The following C17orf75 variants were observed in gnomAD, a reference collection of about 807,000 sequenced individuals.
C17orf75 encodes the protein protein Njmu-R1.
Under a neutral mutation model 49.6 loss-of-function variants are expected in C17orf75, and 32 were observed. The observed-to-expected ratio is 0.65, with a 90% CI of 0.49 to 0.87. The LOEUF (loss-of-function observed/expected upper bound fraction) is 0.87. Ranked by LOEUF, C17orf75 falls within the 40% of genes least tolerant of loss-of-function variation. The pLI is 0.00. For synonymous variants in C17orf75, 158 were observed against 159.5 expected, an observed-to-expected ratio of 0.99 and a Z score of 0.07; for missense variants, 428 against 473.9, an observed-to-expected ratio of 0.90 and a Z score of 0.90.
intron 2 of C17orf75, 80 bp from the exon 3 acceptor site, chr17:32,340,018 C>A (rs140072767): frequency 7.8e-6 from 12 of 1,529,372 alleles, no homozygotes; most frequent in Non-Finnish European, 1.1e-5. Context: ...ATGGTACCAA[C>A]GCCAGGGGCT....
intron 1 of C17orf75, 195 bp downstream of exon 1, chr17:32,341,805 C>G (rs1261810601): frequency 9.4e-7 from 1 of 1,060,768 alleles, no homozygotes; most frequent in African/African-American, 1.7e-5. Flanking sequence ...GCATACAAGT[C>G]CACGACGGGG....
intron 1 of C17orf75, among the ~76,000 whole-genome samples, chr17:32,347,976 C>T (rs1275337894): frequency 1.3e-5 from 2 of 151,982 alleles, no homozygotes; most frequent in Non-Finnish European, 2.9e-5. Context: ...TCCCAAAGCA[C>T]GGCAATTACA....
intron 3 of C17orf75, among the ~76,000 whole-genome samples, chr17:32,339,090 T>TA (rs912041769): frequency 1.0e-4 from 15 of 150,662 alleles, no homozygotes; most frequent in African/African-American, 3.2e-4. Context: ...GACTCTGTCT[T>TA]AAAAAAAACA....
upstream of C17orf75, chr17:32,342,373 A>C: frequency 1.8e-6 from 1 of 545,754 alleles, no homozygotes; most frequent in Non-Finnish European, 2.7e-6. Flanking sequence ...TTTTGAACTT[A>C]TTTTCCTTTG....
At chr17:32,347,207 C>A (rs1347040383), upstream of C17orf75, among the ~76,000 whole-genome samples, 2 of 151,836 alleles carry the variant, frequency 1.3e-5, no homozygotes, top group South Asian at 4.2e-4. Context: ...GTGATCAACC[C>A]ACATCGGCCT....
At chr17:32,334,918 A>G (rs928765140) in intron 6 of C17orf75, 79 bp from the exon 7 acceptor site, 40 of 1,174,298 alleles carry the variant, frequency 3.4e-5, no homozygotes, top group Middle Eastern at 5.7e-4. Flanking sequence ...AAATGTCCCC[A>G]TAAGTCCCTA....
rs940425392 is a variant in C17orf75 at position 32,329,683 on chromosome 17, G to A, written c.*2080C>T. 6.6e-6 allele frequency: 1 copy of A among 152,104 alleles called. No individual in the cohort carries two copies. Among genetic ancestry groups the A allele is most frequent in the Non-Finnish European group, 1.5e-5 (1 of 68,028 alleles). The allele number at this position is 152,104 out of a possible 1,614,324, so 9.4% of individuals were successfully genotyped here. A position where few individuals can be genotyped will look rare whatever the true frequency, so the allele number is the denominator to read the frequency against. ...CCATTTACAACATAGACTCTTGAATGACATGAATTTGAAAATGAAGTATTT... is the reference window on the plus strand; with the variant it reads ...CCATTTACAACATAGACTCTTGAATAACATGAATTTGAAAATGAAGTATTT... On this transcript the variant is annotated 3_prime_UTR_variant, in exon 10 of 10. Coordinates refer to ENST00000577809, the MANE Select transcript of C17orf75 (RefSeq NM_022344.4).
rs561014138 is a variant in C17orf75, at chr17:32,348,867, C to CTTTTTTTTT, written c.-7+1066_-7+1074dup. ...CAGCACCTTCACTGACAGCTCCAGT[C>CTTTTTTTTT]TTTTTTTTTTTTTTTTGAGACGGAG... On this transcript the variant is annotated intron_variant, in intron 1 of 8. Transcript: ENST00000583774. Among the ~76,000 whole-genome samples, 481 of 108,836 alleles carry CTTTTTTTTT rather than the reference C, an allele frequency of 4.4e-3. 65 individuals carry two copies. The highest frequency in any genetic ancestry group is 0.012 in the African/African-American group (326 of 26,522). 71.4% of individuals were successfully genotyped at this position (108,836 alleles called of 152,430 possible). A position where few individuals can be genotyped will look rare whatever the true frequency, so the allele number is the denominator to read the frequency against.
intron 1 of C17orf75, 123 bp from the exon 2 acceptor site, chr17:32,341,407 G>T: frequency 2.2e-6 from 2 of 911,600 alleles, no homozygotes; most frequent in Non-Finnish European, 3.6e-6. Flanking sequence ...GAAGTGCACT[G>T]CCTATCCTCA....
intron 5 of C17orf75, among the ~76,000 whole-genome samples, chr17:32,336,160 G>A (rs1447604821): frequency 6.6e-5 from 10 of 152,144 alleles, no homozygotes; most frequent in Non-Finnish European, 2.9e-5. Flanking sequence ...TATATGTAAT[G>A]GGTAGTAAAT....
Position 32,333,446 on chromosome 17 carries a change from G to C in C17orf75, c.946C>G (p.Arg316Gly). 10 of 1,612,780 alleles carry C rather than the reference G, an allele frequency of 6.2e-6. No homozygotes were observed. Among genetic ancestry groups the C allele is most frequent in the Non-Finnish European group, 8.5e-6 (10 of 1,179,534 alleles). Reference protein sequence around the residue: ...GAKGGNPFLFRQVLENFKLKA... With the variant: ...GAKGGNPFLFGQVLENFKLKA... The stretch of plus-strand genomic sequence containing the variant: ...AGTTTAAAGTTCTCCAGTACTTGTC[G>C]GAAAAGAAAAGGGTTACCTCCTTTG... Residue 316 changes from arginine to glycine, a missense_variant, in exon 9 of 10, where the codon CGA (arginine) becomes GGA (glycine). Transcript: ENST00000577809.
Position 32,334,586 on chromosome 17 carries a change from G to A in C17orf75, c.754C>T (p.Leu252Phe). Residue 252 changes from leucine (L) to phenylalanine (F), a missense_variant, in exon 8 of 10, where the codon CTT becomes TTT. Physicochemically the swap from Leu to Phe is conservative, Grantham distance 22 (BLOSUM62 0). Transcript: ENST00000577809. ...DINRFLSVAS[L>F]QGLIHEGTMT... is the part of the protein sequence containing the mutation. ...GTGCCTTCATGAATAAGTCCTTGAA[G>A]ACTGGCCACACTCAGAAACCTGCCA... is the stretch of plus-strand genomic sequence containing the variant. The A allele has an allele frequency of 6.2e-7, 1 of 1,612,006 alleles. No individual in the cohort carries two copies. The highest frequency in any genetic ancestry group is 8.5e-7 in the Non-Finnish European group (1 of 1,179,386).
upstream of C17orf75, among the ~76,000 whole-genome samples, chr17:32,342,953 G>T (rs1199346075): frequency 1.3e-5 from 2 of 152,166 alleles, no homozygotes; most frequent in African/African-American, 4.8e-5. Flanking sequence ...GCTATAAAAG[G>T]ATACCAAAGA....
chr17:32,341,247 G>T lies in C17orf75; in HGVS notation c.178C>A (p.Pro60Thr). Reference sequence around the variant, plus strand: ...GGAGTTTCTGCATTTGTGCCACTTGGGCTTCCGTCCTCACTGTCCCCTCGT... The same window carrying T: ...GGAGTTTCTGCATTTGTGCCACTTGTGCTTCCGTCCTCACTGTCCCCTCGT... ...QQRGDSEDGS[P>T]SGTNAETPSG... Residue 60 changes from proline to threonine, a missense_variant, in exon 2 of 10, where the codon CCA becomes ACA. Transcript: ENST00000577809. 6.2e-7 allele frequency: 1 copy of T among 1,613,890 alleles called. No homozygotes were observed. Among genetic ancestry groups the T allele is most frequent in the Non-Finnish European group, 8.5e-7 (1 of 1,179,882 alleles).
At chr17:32,343,305 G>GT (rs71144816), upstream of C17orf75, among the ~76,000 whole-genome samples, 2,963 of 146,312 alleles carry the variant, frequency 0.02, 40 homozygotes, top group African/African-American at 0.025. Context: ...TGTGTTTTGT[G>GT]TTTTTTTTTT....
intron 6 of C17orf75, 151 bp downstream of exon 6, chr17:32,335,172 C>T: frequency 2.1e-6 from 2 of 947,342 alleles, no homozygotes; most frequent in Non-Finnish European, 3.1e-6. Flanking sequence ...CTTTCTAGAT[C>T]TGAGAAAATA....
intron 2 of C17orf75, 92 bp from the exon 3 acceptor site, chr17:32,340,030 T>A: frequency 1.4e-6 from 2 of 1,472,888 alleles, no homozygotes; most frequent in African/African-American, 2.8e-5. Flanking sequence ...CCAGGGGCTC[T>A]TTTAAGGACT....
Position 32,334,725 on chromosome 17 carries a change from G to A in C17orf75, c.734+50C>T, listed in dbSNP as rs1394907110. 5 of 1,565,778 alleles carry A rather than the reference G, an allele frequency of 3.2e-6. No homozygotes were observed. The Admixed American group carries it at 7.5e-5, about 23-fold the overall frequency. ...GAAGGAGCAGTTTACAAACACAGAT[G>A]TCAATCTTGCTGTGGAAAAGCTTTT... On this transcript the variant is annotated intron_variant, in intron 7 of 9. Transcript: ENST00000577809.
chr17:32,333,303 C>A, intron 9 of C17orf75, 114 bp downstream of exon 9: 2 of 724,152 alleles, frequency 2.8e-6, no homozygotes, highest in Non-Finnish European at 4.7e-6. Context: ...GTTTTGAGAA[C>A]ATCCTAATTA....
Sources: gnomAD v4.1 joint callset for allele counts (sites outside exome capture counted in the v4.1 genomes callset) on GRCh38, gnomAD v4.1.1 for gene constraint, MANE v1.5 for transcripts, NCBI Gene and HGNC (gene_info 2026-07-23, HGNC 2026-07-21) for gene names.